The following RASEF variants were observed in gnomAD, a reference collection of about 807,000 sequenced individuals.
RASEF encodes RAS and EF-hand domain containing.
RASEF carries 68 observed loss-of-function variants against 90.1 expected under a neutral mutation model. The ratio of observed to expected loss-of-function variants is 0.75; its 90% CI spans 0.62 to 0.92. The LOEUF is 0.92. Among genes scored for constraint, RASEF ranks in the 40% least tolerant of loss-of-function variants. RASEF has a pLI of 0.00. For missense variants in RASEF, 949 were observed against 937.2 expected, an observed-to-expected ratio of 1.01 and a Z score of -0.16; for synonymous variants, 331 against 345.2, an observed-to-expected ratio of 0.96 and a Z score of 0.46.
At chr9:83,177,384 T>C in the RASEF span, among the ~76,000 whole-genome samples, 3 of 152,202 alleles carry the variant, frequency 2.0e-5, no homozygotes, top group Non-Finnish European at 4.4e-5. Flanking sequence ...GTGGATTTGC[T>C]ATGCTAGCAA....
chr9:83,219,216 CAG>C, the RASEF span: 8 of 152,240 alleles, frequency 5.3e-5, no homozygotes, highest in South Asian at 2.1e-4. Flanking sequence ...AGTGCCTGGA[CAG>C]AGAGTTAGGT....
At position 82,981,242 on chromosome 9, in the gene RASEF, A is replaced by G. The variant is rs546487407; in HGVS notation, c.*1435T>C. 7.9e-5 allele frequency: 12 copies of G among 152,026 alleles called. No homozygotes were observed. Among genetic ancestry groups the G allele is most frequent in the Admixed American group, 7.2e-4 (11 of 15,270 alleles). 9.4% of individuals were successfully genotyped at this position (152,026 alleles called of 1,614,324 possible). The stretch of plus-strand genomic sequence containing the variant: ...TAGCCCACCCTAGGCTCAAGTGTTG[A>G]CTCCTTTGGCTCTTAGAGGCATCTC... On this transcript the variant is annotated 3_prime_UTR_variant, in exon 17 of 17. Coordinates refer to ENST00000376447, the MANE Select transcript of RASEF (RefSeq NM_152573.4).
intron 1 of RASEF, among the ~76,000 whole-genome samples, chr9:83,046,473 T>C (rs769198291): frequency 2.2e-4 from 33 of 152,168 alleles, no homozygotes; most frequent in Admixed American, 3.9e-4. Flanking sequence ...GCCTACACTG[T>C]AATTCATTCA....
the RASEF span, among the ~76,000 whole-genome samples, chr9:83,137,318 T>C: frequency 6.6e-6 from 1 of 152,104 alleles, no homozygotes; most frequent in Non-Finnish European, 1.5e-5. Context: ...ATAGTAGATA[T>C]TAAAAAAGAA....
rs1302698126 is a variant in RASEF at position 83,042,452 on chromosome 9, C to T, written c.432-16531G>A. ...CATTCAGCATGAACCATGCCCACTC[C>T]TGGCTGGGCACCTACTTCTTATTTG... On this transcript the variant is annotated intron_variant, in intron 1 of 16. Coordinates refer to ENST00000376447, the MANE Select transcript of RASEF (RefSeq NM_152573.4). 5.9e-5 allele frequency among the ~76,000 whole-genome samples: 9 copies of T among 152,276 alleles called. No homozygotes were observed. The East Asian group carries it at 1.4e-3, about 23-fold the overall frequency.
At chr9:83,074,207 C>G in the RASEF span, among the ~76,000 whole-genome samples, 1 of 151,986 alleles carries the variant, frequency 6.6e-6, no homozygotes, top group African/African-American at 2.4e-5. Context: ...CTAACAACAA[C>G]AAAAAAGAAG....
At chr9:83,063,833 C>T (rs912171921), upstream of RASEF, among the ~76,000 whole-genome samples, 2 of 152,144 alleles carry the variant, frequency 1.3e-5, no homozygotes, top group African/African-American at 4.8e-5. Context: ...ACTATTGTTT[C>T]TTTAACACTG....
intron 2 of RASEF, 82 bp downstream of exon 2, chr9:83,025,693 T>G (rs1045489110): frequency 7.4e-7 from 1 of 1,359,538 alleles, no homozygotes; most frequent in South Asian, 1.3e-5. Context: ...AGTGTGACAA[T>G]GCAGTTCAGT....
chr9:83,018,827 T>C (rs904933936), intron 3 of RASEF, among the ~76,000 whole-genome samples: 5 of 151,980 alleles, frequency 3.3e-5, no homozygotes, highest in Admixed American at 3.3e-4. Flanking sequence ...AATCAATCAA[T>C]GGAACAGAAC....
chr9:83,007,564 T>A, intron 6 of RASEF, 59 bp from the exon 7 acceptor site: 1 of 1,200,452 alleles, frequency 8.3e-7, no homozygotes, highest in Non-Finnish European at 1.2e-6. Context: ...GCCTCACGTA[T>A]ACCTACCCTC....
At chr9:83,060,200 A>G (rs770784959) in intron 1 of RASEF, among the ~76,000 whole-genome samples, 2 of 152,186 alleles carry the variant, frequency 1.3e-5, no homozygotes, top group African/African-American at 4.8e-5. Flanking sequence ...TTGGAATGGC[A>G]CACCTTCCTA....
the RASEF span, among the ~76,000 whole-genome samples, chr9:83,213,398 T>TG: frequency 7.4e-6 from 1 of 134,900 alleles, no homozygotes; most frequent in South Asian, 2.2e-4. Flanking sequence ...AGACTTCATC[T>TG]GAAAAAAAAA....
At position 83,062,496 on chromosome 9, in the gene RASEF, G is replaced by T. The variant is rs771437273; in HGVS notation, c.372C>A (p.Pro124=). The stretch of plus-strand genomic sequence containing the variant: ...CCTGGAAATCCTGCCAAGCCCGGCC[G>T]GGACTCGCCGGGCCGCACGAGGTGG... The part of the protein sequence containing the change: ...ALATSCGPAS[P]GRAWQDFQAR... The change falls in exon 1 of 17, where the codon CCC becomes CCA. Residue 124 remains proline, a synonymous_variant. Transcript: ENST00000376447. 7 of 1,611,554 alleles carry T rather than the reference G, an allele frequency of 4.3e-6. No individual in the cohort carries two copies. Among genetic ancestry groups the T allele is most frequent in the Admixed American group, 3.3e-5 (2 of 59,946 alleles).
At position 83,057,212 on chromosome 9, in the gene RASEF, T is replaced by G. The variant is rs541923499; in HGVS notation, c.431+5225A>C. Among the ~76,000 whole-genome samples, 26 of 152,246 alleles carry G rather than the reference T, an allele frequency of 1.7e-4. No homozygotes were observed. The East Asian group carries it at 2.7e-3, about 16-fold the overall frequency. On this transcript the variant is annotated intron_variant, in intron 1 of 16. Coordinates refer to ENST00000376447, the MANE Select transcript of RASEF (RefSeq NM_152573.4). ...AGAGCAATCAGGCAAGAGAAAGAAA[T>G]AAACCCATCCAAATTGGAAAACAGG...
intron 1 of RASEF, among the ~76,000 whole-genome samples, chr9:83,026,303 A>G (rs941862582): frequency 2.6e-5 from 4 of 152,208 alleles, no homozygotes; most frequent in African/African-American, 9.6e-5. Flanking sequence ...CTTTATCGTC[A>G]TAACAGTGGG....
the RASEF span, among the ~76,000 whole-genome samples, chr9:83,215,112 T>C: frequency 6.6e-6 from 1 of 151,492 alleles, no homozygotes; most frequent in African/African-American, 2.4e-5. Flanking sequence ...CTGGGGGTAG[T>C]TGGAGAGGAG....
At chr9:83,134,411 C>A in the RASEF span, among the ~76,000 whole-genome samples, 1 of 81,532 alleles carries the variant, frequency 1.2e-5, no homozygotes, top group East Asian at 2.4e-4. Context: ...CACAATAGCG[C>A]ACACACACAC....
chr9:83,046,320 T>C (rs924480661), intron 1 of RASEF, among the ~76,000 whole-genome samples: 1 of 152,230 alleles, frequency 6.6e-6, no homozygotes, highest in Non-Finnish European at 1.5e-5. Flanking sequence ...TTAGGATTAT[T>C]ACTGCTTATT....
chr9:83,132,726 A>G, the RASEF span, among the ~76,000 whole-genome samples: 1 of 152,158 alleles, frequency 6.6e-6, no homozygotes, highest in Non-Finnish European at 1.5e-5. Flanking sequence ...TCCCCAAGCA[A>G]CTATTTCTAT....
Sources: allele counts gnomAD v4.1 joint callset (sites outside exome capture counted in the v4.1 genomes callset), GRCh38; gene constraint gnomAD v4.1.1; transcripts MANE v1.5; gene names NCBI Gene and HGNC (gene_info 2026-07-23, HGNC 2026-07-21).